Variants in PRSS23 observed in about 807,000 individuals in gnomAD.
PRSS23 encodes the protein serine protease 23.
In PRSS23, 25 loss-of-function variants were observed where a neutral mutation model predicts 34.7. The ratio of observed to expected loss-of-function variants is 0.72; its 90% CI spans 0.53 to 1.01. The LOEUF (loss-of-function observed/expected upper bound fraction) is 1.01, where lower values mean the gene tolerates loss of function less well. Among genes scored for constraint, PRSS23 ranks in the 50% least tolerant of loss-of-function variants. PRSS23 has a pLI of 0.00. For missense variants in PRSS23, 445 were observed against 475.6 expected, an observed-to-expected ratio of 0.94 and a Z score of 0.60; for synonymous variants, 176 against 186.6, an observed-to-expected ratio of 0.94 and a Z score of 0.46.
chr11:86,943,478 G>T (rs1004425178), intron 2 of PRSS23, among the ~76,000 whole-genome samples: 5 of 152,036 alleles, frequency 3.3e-5, no homozygotes, highest in Admixed American at 3.3e-4. Flanking sequence ...ACAAAAATTA[G>T]TCAGGCATGA....
At chr11:86,896,223 T>G (rs1356868397) in intron 2 of PRSS23, among the ~76,000 whole-genome samples, 3 of 152,188 alleles carry the variant, frequency 2.0e-5, no homozygotes, top group Non-Finnish European at 4.4e-5. Flanking sequence ...ATTTTAATAA[T>G]TTGTTGAGCC....
chr11:86,837,916 T>G (rs1948419029), intron 2 of PRSS23, among the ~76,000 whole-genome samples: 1 of 152,128 alleles, frequency 6.6e-6, no homozygotes, highest in Non-Finnish European at 1.5e-5. Context: ...ACCTGGTTCT[T>G]CTCATTGGGA....
At chr11:86,833,157 C>CAGAT (rs1184321574) in intron 2 of PRSS23, 6 of 825,016 alleles carry the variant, frequency 7.3e-6, no homozygotes, top group Non-Finnish European at 1.2e-5. Context: ...CAAAGAGAGA[C>CAGAT]ATCTGAGTCA....
At chr11:86,853,779 G>A (rs1948548553) in intron 2 of PRSS23, among the ~76,000 whole-genome samples, 1 of 152,056 alleles carries the variant, frequency 6.6e-6, no homozygotes, top group Non-Finnish European at 1.5e-5. Context: ...TGATAATTCT[G>A]TTTTTCATTT....
exon 2 of PRSS23, chr11:86,823,442 A>G (rs1379502812): frequency 1.0e-5 from 7 of 702,368 alleles, no homozygotes; most frequent in South Asian, 8.9e-5. Flanking sequence ...TGCCCCCACA[A>G]CTGTGAAGCG....
chr11:86,889,667 C>T (rs1360752062), intron 2 of PRSS23, among the ~76,000 whole-genome samples: 2 of 152,228 alleles, frequency 1.3e-5, no homozygotes, highest in Admixed American at 6.5e-5. Context: ...TATGGTTCAA[C>T]ATGAATTCTG....
intron 1 of PRSS23, among the ~76,000 whole-genome samples, chr11:86,819,868 C>T (rs1483662419): frequency 6.6e-6 from 1 of 152,212 alleles, no homozygotes; most frequent in Non-Finnish European, 1.5e-5. Context: ...TTCTTCACAA[C>T]ATGTACAATG....
At chr11:86,800,471 C>T, upstream of PRSS23, 2 of 983,526 alleles carry the variant, frequency 2.0e-6, no homozygotes, top group Non-Finnish European at 2.4e-6. Context: ...AGGCCGGAGG[C>T]GGGGCGGGCG....
At chr11:86,910,243 T>C (rs1423271738) in intron 2 of PRSS23, 1 of 152,178 alleles carries the variant, frequency 6.6e-6, no homozygotes, top group African/African-American at 2.4e-5. Flanking sequence ...CATCAGGAGA[T>C]AATGGCAGTA....
At chr11:86,832,730 C>A in intron 2 of PRSS23, 1 of 296,940 alleles carries the variant, frequency 3.4e-6, no homozygotes, top group South Asian at 3.3e-5. Context: ...CAGGGGAGAC[C>A]CACAGGTGGA....
intron 2 of PRSS23, among the ~76,000 whole-genome samples, chr11:86,932,187 G>C (rs1029256989): frequency 7.9e-5 from 12 of 152,158 alleles, no homozygotes; most frequent in African/African-American, 2.7e-4. Context: ...AATGACTGCT[G>C]AGAGTCATCA....
upstream of PRSS23, among the ~76,000 whole-genome samples, chr11:86,797,026 C>T (rs1295818308): frequency 6.6e-6 from 1 of 152,222 alleles, no homozygotes; most frequent in East Asian, 1.9e-4. Context: ...ATACATTCCT[C>T]GAGCTGAGGG....
upstream of PRSS23, among the ~76,000 whole-genome samples, chr11:86,797,073 T>C (rs1348477317): frequency 1.3e-5 from 2 of 152,272 alleles, no homozygotes; most frequent in African/African-American, 4.8e-5. Context: ...CAAATAACCT[T>C]ACACAGAGTG....
chr11:86,894,943 TC>T (rs1183569645), intron 2 of PRSS23, among the ~76,000 whole-genome samples: 2 of 152,170 alleles, frequency 1.3e-5, no homozygotes, highest in Non-Finnish European at 2.9e-5. Flanking sequence ...GTTATTACCT[TC>T]CTCTCTATTG....
chr11:86,949,569 A>C (rs1012272939), intron 2 of PRSS23: 1 of 152,612 alleles, frequency 6.6e-6, no homozygotes, highest in African/African-American at 2.4e-5. Flanking sequence ...CATGATTAGA[A>C]CGCCTAAGGC....
intron 1 of PRSS23, among the ~76,000 whole-genome samples, chr11:86,791,553 T>A (rs1356854824): frequency 2.0e-5 from 3 of 152,210 alleles, no homozygotes; most frequent in Non-Finnish European, 4.4e-5. Flanking sequence ...TGTGAGGCAC[T>A]TTTCACAAGC....
At chr11:86,935,922 T>C (rs1169579833) in intron 2 of PRSS23, 1 of 152,150 alleles carries the variant, frequency 6.6e-6, no homozygotes, top group Non-Finnish European at 1.5e-5. Flanking sequence ...TATTGAAAAT[T>C]TCAAGATAGC....
intron 2 of PRSS23, among the ~76,000 whole-genome samples, chr11:86,841,331 C>A: frequency 1.0e-5 from 1 of 97,992 alleles, no homozygotes; most frequent in Non-Finnish European, 2.0e-5. Context: ...AAGAGGGAAA[C>A]TCCATCTCAA....
intron 2 of PRSS23, among the ~76,000 whole-genome samples, chr11:86,831,019 T>C (rs1948350847): frequency 6.6e-6 from 1 of 152,092 alleles, no homozygotes; most frequent in Non-Finnish European, 1.5e-5. Flanking sequence ...TGATATTATT[T>C]GGAATATCCT....
Sources: gnomAD v4.1 joint callset for allele counts (sites outside exome capture counted in the v4.1 genomes callset) on GRCh38, gnomAD v4.1.1 for gene constraint, MANE v1.5 for transcripts, NCBI Gene and HGNC (gene_info 2026-07-23, HGNC 2026-07-21) for gene names.